The following AMOTL1 variants were observed in gnomAD, a reference collection of about 807,000 sequenced individuals.
AMOTL1 encodes the protein angiomotin-like protein 1.
A neutral mutation model predicts 102.9 loss-of-function variants in AMOTL1; 45 were observed. The observed-to-expected ratio is 0.44, with a 90% CI of 0.34 to 0.56. The LOEUF is 0.56. Ranked by LOEUF, AMOTL1 falls within the 20% of genes least tolerant of loss-of-function variation. The pLI, the probability that AMOTL1 is intolerant of heterozygous loss-of-function variation, is 0.01. For missense variants in AMOTL1, 1,114 were observed against 1,225.6 expected, an observed-to-expected ratio of 0.91 and a Z score of 1.36; for synonymous variants, 481 against 484.7, an observed-to-expected ratio of 0.99 and a Z score of 0.10.
At chr11:94,712,786 T>A (rs1950039589) in intron 1 of AMOTL1, among the ~76,000 whole-genome samples, 1 of 151,920 alleles carries the variant, frequency 6.6e-6, no homozygotes, top group Admixed American at 6.6e-5. Context: ...TCTGTAATTT[T>A]TTATTCTATC....
chr11:94,830,103 T>C lies in AMOTL1; in HGVS notation c.1467T>C (p.Ser489=), dbSNP rs1348637792. 7.5e-6 allele frequency: 12 copies of C among 1,610,432 alleles called. No individual in the cohort carries two copies. The highest frequency in any genetic ancestry group is 9.3e-6 in the Non-Finnish European group (11 of 1,178,256). The change falls in exon 5 of 13, where the codon TCT becomes TCC. Residue 489 remains serine, a synonymous_variant. Transcript: ENST00000433060. The part of the protein sequence containing the change: ...ISEAYESLVK[S]TTKRESLDKA... Reference sequence around the variant, plus strand: ...AAGCCTATGAAAGTCTGGTCAAGTCTACCACCAAGCGAGAATCGCTGGACA... The same window carrying C: ...AAGCCTATGAAAGTCTGGTCAAGTCCACCACCAAGCGAGAATCGCTGGACA...
At chr11:94,838,871 C>T (rs1332573791) in intron 6 of AMOTL1, among the ~76,000 whole-genome samples, 2 of 151,866 alleles carry the variant, frequency 1.3e-5, no homozygotes, top group African/African-American at 2.4e-5. Context: ...TCACAATTAG[C>T]TAATGATGGA....
intron 6 of AMOTL1, among the ~76,000 whole-genome samples, chr11:94,847,270 CT>C (rs1245509380): frequency 6.6e-6 from 1 of 152,164 alleles, no homozygotes; most frequent in Admixed American, 6.5e-5. Flanking sequence ...TGTGTCGCGG[CT>C]TGTAAGCGAG....
chr11:94,727,601 C>T (rs1343669953), intron 1 of AMOTL1, among the ~76,000 whole-genome samples: 1 of 152,150 alleles, frequency 6.6e-6, no homozygotes, highest in Non-Finnish European at 1.5e-5. Context: ...CTGAAGAGGT[C>T]TTTGCAAGAG....
At chr11:94,711,332 A>C (rs542489877) in intron 1 of AMOTL1, among the ~76,000 whole-genome samples, 1 of 152,270 alleles carries the variant, frequency 6.6e-6, no homozygotes, top group South Asian at 2.1e-4. Flanking sequence ...TCATGAGTCT[A>C]TGAGTGCCCC....
At chr11:94,815,524 AT>A (rs1344366734) in intron 3 of AMOTL1, among the ~76,000 whole-genome samples, 2 of 152,118 alleles carry the variant, frequency 1.3e-5, no homozygotes, top group Non-Finnish European at 1.5e-5. Flanking sequence ...AACTTATCAT[AT>A]AATTTAAAAT....
chr11:94,766,370 C>T (rs1565343741), upstream of AMOTL1, among the ~76,000 whole-genome samples: 2 of 152,170 alleles, frequency 1.3e-5, no homozygotes, highest in African/African-American at 4.8e-5. Context: ...TTTTCTTCAT[C>T]TTGCCAAAAA....
intron 3 of AMOTL1, among the ~76,000 whole-genome samples, chr11:94,816,690 T>C (rs1453878526): frequency 6.6e-6 from 1 of 152,198 alleles, no homozygotes; most frequent in South Asian, 2.1e-4. Flanking sequence ...CATTAAGTTA[T>C]AGAGCTTTGA....
intron 6 of AMOTL1, among the ~76,000 whole-genome samples, chr11:94,843,686 A>G (rs1438335069): frequency 6.6e-6 from 1 of 152,210 alleles, no homozygotes; most frequent in African/African-American, 2.4e-5. Context: ...GAAATGGAGG[A>G]GAAACATTAG....
intron 1 of AMOTL1, among the ~76,000 whole-genome samples, chr11:94,778,125 C>T (rs2135527539): frequency 6.6e-6 from 1 of 152,300 alleles, no homozygotes; most frequent in South Asian, 2.1e-4. Context: ...TTTATTTTCA[C>T]TTTGAAATGA....
intron 5 of AMOTL1, among the ~76,000 whole-genome samples, chr11:94,830,749 A>C (rs1463192611): frequency 6.6e-6 from 1 of 152,252 alleles, no homozygotes. Context: ...TCCAATATGC[A>C]CAATGAGTTA....
At chr11:94,756,181 C>A (rs912373367) in intron 3 of AMOTL1, among the ~76,000 whole-genome samples, 1 of 149,232 alleles carries the variant, frequency 6.7e-6, no homozygotes, top group Admixed American at 6.7e-5. Context: ...AACGTCCAGC[C>A]GCTTGTGTCT....
chr11:94,779,338 AC>A (rs1195702008), intron 1 of AMOTL1, among the ~76,000 whole-genome samples: 1 of 152,132 alleles, frequency 6.6e-6, no homozygotes, highest in Non-Finnish European at 1.5e-5. Context: ...CATTTTCTTG[AC>A]GGTTCAGAAA....
rs376351676 is a variant in AMOTL1 at position 94,768,549 on chromosome 11, C to T, written c.38C>T (p.Pro13Leu). Residue 13 changes from proline to leucine, a missense_variant, in exon 1 of 13, where the codon CCT becomes CTT. Transcript: ENST00000433060. ...RAKLRRGTCE[P>L]AVKGSPSACY... is the part of the protein sequence containing the mutation. ...AAGTTGCGCCGGGGAACTTGTGAGC[C>T]TGCGGTGAAAGGTAACCAGCCCCCA... is the stretch of plus-strand genomic sequence containing the variant. 6.3e-7 allele frequency: 1 copy of T among 1,599,200 alleles called. No homozygotes were observed. Among genetic ancestry groups the T allele is most frequent in the African/African-American group, 1.3e-5 (1 of 74,540 alleles).
chr11:94,856,747 T>C (rs1274903313), intron 8 of AMOTL1, among the ~76,000 whole-genome samples: 1 of 152,196 alleles, frequency 6.6e-6, no homozygotes, highest in Non-Finnish European at 1.5e-5. Context: ...AAGCTCCTGG[T>C]CATCTCCACC....
intron 1 of AMOTL1, among the ~76,000 whole-genome samples, chr11:94,793,234 C>T (rs1476372855): frequency 6.6e-6 from 1 of 152,166 alleles, no homozygotes; most frequent in South Asian, 2.1e-4. Context: ...AAGAAAACAT[C>T]ACACTTTCTT....
At chr11:94,840,677 TATATACACAC>T (rs1206718905) in intron 6 of AMOTL1, among the ~76,000 whole-genome samples, 35 of 128,018 alleles carry the variant, frequency 2.7e-4, no homozygotes, top group African/African-American at 9.1e-4. Context: ...TATATATATA[TATATACACAC>T]ACACACACAC....
intron 3 of AMOTL1, among the ~76,000 whole-genome samples, chr11:94,743,785 A>G (rs1257320219): frequency 3.3e-5 from 5 of 150,486 alleles, no homozygotes; most frequent in Admixed American, 6.7e-5. Flanking sequence ...CAGCCTCCCA[A>G]CTAGCTGGGA....
intron 1 of AMOTL1, among the ~76,000 whole-genome samples, chr11:94,790,728 A>T (rs1179197698): frequency 6.6e-6 from 1 of 152,152 alleles, no homozygotes; most frequent in Non-Finnish European, 1.5e-5. Flanking sequence ...AGGACAAGGG[A>T]CTTCCTAGTT....
Sources: allele counts gnomAD v4.1 joint callset (sites outside exome capture counted in the v4.1 genomes callset), GRCh38; gene constraint gnomAD v4.1.1; transcripts MANE v1.5; gene names NCBI Gene and HGNC (gene_info 2026-07-23, HGNC 2026-07-21).